NF1: variants seen among roughly 807,000 people sequenced by gnomAD.
NF1 encodes the protein neurofibromin.
NF1 carries 122 observed loss-of-function variants against 325.7 expected under a neutral mutation model. The ratio of observed to expected loss-of-function variants is 0.37; its 90% confidence interval spans 0.32 to 0.44. The LOEUF (loss-of-function observed/expected upper bound fraction) is 0.44. Ranked by LOEUF, NF1 falls within the 20% of genes least tolerant of loss-of-function variation. NF1 has a pLI of 1.00. For synonymous variants in NF1, 1,091 were observed against 1,186.0 expected (o/e 0.92, Z 1.65); for missense variants, 2,140 against 3,415.4 (o/e 0.63, Z 9.31).
In NF1 at chr17:31,305,492, A is replaced by G. The variant is rs754289943; in HGVS notation, c.4836-20328A>G. 5 of 1,614,076 alleles carry G rather than the reference A, an allele frequency of 3.1e-6. No individual in the cohort carries two copies. In the East Asian group the frequency reaches 8.9e-5, roughly 29 times the overall value. On this transcript the variant is annotated intron_variant, in intron 36 of 57. Coordinates refer to ENST00000358273, the MANE Select transcript of NF1 (RefSeq NM_001042492.3). The stretch of plus-strand genomic sequence containing the variant: ...GAATTAGCCAATACCTGTGACATTG[A>G]TGATGTGAATAAGGTAGGCTGTGAC...
intron 50 of NF1, among the ~76,000 whole-genome samples, chr17:31,351,919 C>T (rs1402121775): frequency 6.6e-6 from 1 of 151,224 alleles, no homozygotes; most frequent in African/African-American, 2.4e-5. Flanking sequence ...TTATATGTGG[C>T]CCAGTATATT....
intron 36 of NF1, among the ~76,000 whole-genome samples, chr17:31,278,407 GTTTTTTTTTT>G (rs376109355): frequency 2.7e-5 from 3 of 109,556 alleles, no homozygotes; most frequent in South Asian, 5.3e-4. Context: ...GATTTTTTGG[GTTTTTTTTTT>G]TTTTTTTTTT....
intron 1 of NF1, among the ~76,000 whole-genome samples, chr17:31,096,079 T>C (rs1911683051): frequency 6.6e-6 from 1 of 151,400 alleles, no homozygotes; most frequent in Non-Finnish European, 1.5e-5. Context: ...CCGTTTGCAG[T>C]GGAAACCGTG....
At chr17:31,241,748 A>C (rs528295898) in intron 29 of NF1, among the ~76,000 whole-genome samples, 1 of 152,186 alleles carries the variant, frequency 6.6e-6, no homozygotes, top group Non-Finnish European at 1.5e-5. Context: ...TTATTTGTAA[A>C]AGGTTCATCT....
chr17:31,240,911 T>C (rs982877363), intron 29 of NF1, among the ~76,000 whole-genome samples: 1 of 152,230 alleles, frequency 6.6e-6, no homozygotes, highest in African/African-American at 2.4e-5. Context: ...ACAGTCTTGC[T>C]CTGTCACACA....
intron 31 of NF1, among the ~76,000 whole-genome samples, chr17:31,256,708 A>G (rs2067589264): frequency 6.6e-6 from 1 of 152,204 alleles, no homozygotes; most frequent in Admixed American, 6.5e-5. Context: ...AAATGTATAT[A>G]TTTGAGCTAA....
chr17:31,230,228 A>T (rs2151431403), intron 22 of NF1, 32 bp from the exon 23 acceptor site: 1 of 1,610,704 alleles, frequency 6.2e-7, no homozygotes, highest in South Asian at 1.1e-5. Context: ...TCTATATCTG[A>T]TAATTTTTTT....
chr17:31,141,026 A>T (rs1310572156), intron 1 of NF1, among the ~76,000 whole-genome samples: 3 of 152,228 alleles, frequency 2.0e-5, no homozygotes, highest in Admixed American at 1.3e-4. Flanking sequence ...GCTTATGTAT[A>T]ACATGAAGAC....
intron 36 of NF1, among the ~76,000 whole-genome samples, chr17:31,319,673 T>C (rs1209702927): frequency 4.6e-5 from 7 of 151,868 alleles, no homozygotes; most frequent in Middle Eastern, 3.4e-3. Flanking sequence ...GGTGGTTGTC[T>C]CTTTTCATTT....
intron 1 of NF1, among the ~76,000 whole-genome samples, chr17:31,105,701 A>G (rs1912798382): frequency 6.6e-6 from 1 of 152,050 alleles, no homozygotes; most frequent in Non-Finnish European, 1.5e-5. Context: ...TTTAGTAGAG[A>G]CAGGGTTTCA....
chr17:31,125,885 A>G (rs866021923), intron 1 of NF1, among the ~76,000 whole-genome samples: 2 of 152,200 alleles, frequency 1.3e-5, no homozygotes, highest in Non-Finnish European at 2.9e-5. Flanking sequence ...CCCAACTGCA[A>G]TATAGAAGTA....
chr17:31,149,018 T>C (rs561451828), intron 1 of NF1, among the ~76,000 whole-genome samples: 1 of 152,240 alleles, frequency 6.6e-6, no homozygotes, highest in East Asian at 1.9e-4. Flanking sequence ...TCTACTGTTT[T>C]GTTTTGTTTC....
At chr17:31,257,187 C>T (rs1371343134) in intron 31 of NF1, among the ~76,000 whole-genome samples, 3 of 151,904 alleles carry the variant, frequency 2.0e-5, no homozygotes, top group South Asian at 2.1e-4. Flanking sequence ...CGTGATATTC[C>T]GCATGTAAAT....
rs752307559 is a variant in NF1, at chr17:31,170,899, G to A, written c.586+902G>A. On this transcript the variant is annotated intron_variant, in intron 5 of 57. Transcript: ENST00000358273. ...CCCTGGCTAATTTAGATATGAAACCGTATACAGTTCACACATATTTTTATT... is the reference window on the plus strand; with the variant it reads ...CCCTGGCTAATTTAGATATGAAACCATATACAGTTCACACATATTTTTATT... Among the ~76,000 whole-genome samples, 100 of 152,132 alleles carry A rather than the reference G, an allele frequency of 6.6e-4. 1 individual carries two copies. Among genetic ancestry groups the A allele is most frequent in the Non-Finnish European group, 4.1e-4 (28 of 67,934 alleles).
At chr17:31,225,046 T>A in intron 16 of NF1, 49 bp from the exon 17 acceptor site, 1 of 1,600,982 alleles carries the variant, frequency 6.2e-7, no homozygotes, top group Non-Finnish European at 8.5e-7. Flanking sequence ...TGTTTATTCC[T>A]CTTGGTTGTC....
chr17:31,120,373 T>C (rs958503667), intron 1 of NF1, among the ~76,000 whole-genome samples: 1 of 152,226 alleles, frequency 6.6e-6, no homozygotes, highest in Admixed American at 6.5e-5. Context: ...TTGTAGCAAT[T>C]GTGAATGGGA....
At chr17:31,143,241 TCACA>T (rs113633144) in intron 1 of NF1, among the ~76,000 whole-genome samples, 2 of 151,430 alleles carry the variant, frequency 1.3e-5, no homozygotes, top group African/African-American at 4.9e-5. Flanking sequence ...TTTTTTTAAA[TCACA>T]CACACACACT....
Position 31,226,465 on chromosome 17 carries a change from C to A in NF1, c.2032C>A (p.Pro678Thr), listed in dbSNP as rs758691069. The change falls in exon 18 of 58, where the codon CCG (proline) becomes ACG (threonine). Residue 678 changes from proline (P) to threonine (T), a missense_variant. By Grantham distance (38) the Pro-to-Thr change is conservative. This residue lies in a region of NF1 where 380 missense variants were observed against 639.3 expected (regional missense o/e 0.59). Transcript: ENST00000358273. ...DSAAGCSGTP[P>T]ICRQAQTKLE... is the part of the protein sequence containing the mutation. ...TGCAGCAGGATGCAGCGGAACCCCC[C>A]CGATTTGCCGACAAGCCCAGACCAA... 22 of 1,613,608 alleles carry A rather than the reference C, an allele frequency of 1.4e-5. No homozygotes were observed. Among genetic ancestry groups the A allele is most frequent in the Middle Eastern group, 1.6e-4 (1 of 6,078 alleles).
intron 12 of NF1, among the ~76,000 whole-genome samples, chr17:31,210,768 C>T (rs1427625094): frequency 2.6e-5 from 4 of 151,546 alleles, no homozygotes; most frequent in Admixed American, 1.3e-4. Context: ...GTTTGTATAC[C>T]CTGTTTCTAT....
Sources: allele counts gnomAD v4.1 joint callset (sites outside exome capture counted in the v4.1 genomes callset), GRCh38; gene constraint gnomAD v4.1.1; regional missense constraint gnomAD v4.1.1; transcripts MANE v1.5; gene names NCBI Gene and HGNC (gene_info 2026-07-23, HGNC 2026-07-21).